The following CLEC2A variants were observed in gnomAD, a reference collection of about 807,000 sequenced individuals.
The protein encoded by CLEC2A is C-type lectin domain family 2 member A, also known as keratinocyte-associated C-type lectin.
CLEC2A carries 19 observed loss-of-function variants against 18.6 expected under a neutral mutation model. The observed-to-expected ratio is 1.02, with a 90% confidence interval of 0.71 to 1.50. CLEC2A has a LOEUF of 1.50. Among genes scored for constraint, CLEC2A ranks in the 40% most tolerant of loss-of-function variants. The pLI is 0.00. For synonymous variants in CLEC2A, 74 were observed against 64.0 expected (o/e 1.16, Z -0.75); for missense variants, 190 against 207.9 (o/e 0.91, Z 0.53).
the CLEC2A span, among the ~76,000 whole-genome samples, chr12:9,879,175 CAAACAAAAA>C: frequency 6.6e-6 from 1 of 151,810 alleles, no homozygotes; most frequent in Admixed American, 6.6e-5. Context: ...AAAAGAAAAA[CAAACAAAAA>C]AGGATATTTC....
At chr12:9,921,837 T>C (rs1023043371) in intron 3 of CLEC2A, among the ~76,000 whole-genome samples, 2 of 152,118 alleles carry the variant, frequency 1.3e-5, no homozygotes, top group African/African-American at 4.8e-5. Context: ...AAAGTCTTCA[T>C]CCTCGTTGTT....
rs751715195 is a variant in CLEC2A, at chr12:9,903,504, A to C, written c.411-4528T>G. On this transcript the variant is annotated intron_variant, in intron 4 of 4. Transcript: ENST00000339766. ...AGCTAGTTCATTGGATAAAACAGGA[A>C]GACATTGTGATGCTTTTGTTATGGT... Among the ~76,000 whole-genome samples, 153 of 152,356 alleles carry C rather than the reference A, an allele frequency of 1.0e-3. 1 individual carries two copies. The highest frequency in any genetic ancestry group is 6.8e-3 in the Middle Eastern group (2 of 294).
At chr12:9,930,479 A>G (rs1044198268) in intron 1 of CLEC2A, among the ~76,000 whole-genome samples, 1 of 151,924 alleles carries the variant, frequency 6.6e-6, no homozygotes, top group African/African-American at 2.4e-5. Context: ...ACTTTTAGAC[A>G]TCTAGTTCTC....
At chr12:9,917,457 G>A (rs941775651) in intron 3 of CLEC2A, among the ~76,000 whole-genome samples, 1 of 152,166 alleles carries the variant, frequency 6.6e-6, no homozygotes, top group African/African-American at 2.4e-5. Flanking sequence ...CATAGGCACT[G>A]AACAAACTTC....
downstream of CLEC2A, among the ~76,000 whole-genome samples, chr12:9,909,735 A>T (rs981988762): frequency 6.6e-6 from 1 of 152,076 alleles, no homozygotes; most frequent in African/African-American, 2.4e-5. Context: ...CTTTTAGAGA[A>T]GAGTATTTAG....
chr12:9,897,404 C>A (rs140400849), downstream of CLEC2A, among the ~76,000 whole-genome samples: 1 of 152,154 alleles, frequency 6.6e-6, no homozygotes, highest in East Asian at 1.9e-4. Flanking sequence ...TAAATTTAAT[C>A]TAATTCTGCC....
chr12:9,893,212 CT>C, the CLEC2A span: 2,590 of 1,504,060 alleles, frequency 1.7e-3, 44 homozygotes, highest in African/African-American at 0.032. Context: ...GGAAAAATGG[CT>C]TAGGTGCAAG....
Position 9,913,685 on chromosome 12 carries a change from A to G in CLEC2A, c.411-5T>C. 6.6e-7 allele frequency: 1 copy of G among 1,525,966 alleles called. No individual in the cohort carries two copies. Among genetic ancestry groups the G allele is most frequent in the Non-Finnish European group, 8.8e-7 (1 of 1,130,168 alleles). The allele number at this position is 1,525,966 out of a possible 1,614,324, so 94.5% of individuals were successfully genotyped here. A position where few individuals can be genotyped will look rare whatever the true frequency, so the allele number is the denominator to read the frequency against. On this transcript the variant is annotated splice_polypyrimidine_tract_variant and splice_region_variant and intron_variant, in intron 4 of 4. Coordinates refer to ENST00000455827, the MANE Select transcript of CLEC2A (RefSeq NM_001130711.2). ...CCGTTCCCTATAATTTCAAACCTGA[A>G]AAAGAACACTCTAAATCAGTCTGGG...
At position 9,916,768 on chromosome 12, in the gene CLEC2A, G is replaced by GGAC; in HGVS notation, c.341_342insGTC (p.His114delinsGlnSer). ...CTTGTTTCCTGCTTAGTCCAATCCA[G>GGAC]TGCATATCAGTTCCTGCGTACCTCT... On this transcript the variant is annotated protein_altering_variant, in exon 4 of 5. Transcript: ENST00000455827. 1 of 1,551,194 alleles carries GGAC rather than the reference G, an allele frequency of 6.4e-7. No individual in the cohort carries two copies. The highest frequency in any genetic ancestry group is 8.7e-7 in the Non-Finnish European group (1 of 1,146,504).
chr12:9,929,784 T>C lies in CLEC2A; in HGVS notation c.55+2491A>G, dbSNP rs559733027. On this transcript the variant is annotated intron_variant, in intron 1 of 4. Transcript: ENST00000455827. ...GGGGTAAATTTCTCATTTTGCTGTT[T>C]TTTGAAGCAAGATGTCCAATACAAA... is the stretch of plus-strand genomic sequence containing the variant. 2.8e-4 allele frequency among the ~76,000 whole-genome samples: 42 copies of C among 152,288 alleles called. 1 individual carries two copies. In the South Asian group the frequency reaches 7.7e-3, roughly 28 times the overall value.
intron 1 of CLEC2A, among the ~76,000 whole-genome samples, chr12:9,926,732 A>T (rs545278055): frequency 6.6e-6 from 1 of 152,344 alleles, no homozygotes; most frequent in African/African-American, 2.4e-5. Context: ...AGGATTAAAG[A>T]CAGGAAAGAA....
chr12:9,924,663 A>G (rs1188039632), intron 2 of CLEC2A, among the ~76,000 whole-genome samples: 1 of 152,204 alleles, frequency 6.6e-6, no homozygotes, highest in Admixed American at 6.5e-5. Context: ...CATTTTTACA[A>G]ATATTGCAAT....
intron 4 of CLEC2A, among the ~76,000 whole-genome samples, chr12:9,914,041 T>C (rs995831644): frequency 6.6e-6 from 1 of 152,174 alleles, no homozygotes; most frequent in Non-Finnish European, 1.5e-5. Context: ...AAAGAGAGAG[T>C]GTTTGCCAAA....
intron 2 of CLEC2A, 120 bp from the exon 3 acceptor site, chr12:9,922,352 C>T (rs1863188309): frequency 4.4e-6 from 3 of 679,988 alleles, no homozygotes; most frequent in East Asian, 3.0e-5. Context: ...TTAGCTTCCC[C>T]CCTCCCCAGA....
intron 4 of CLEC2A, among the ~76,000 whole-genome samples, chr12:9,900,634 T>C (rs1313618421): frequency 6.6e-6 from 1 of 152,102 alleles, no homozygotes; most frequent in Non-Finnish European, 1.5e-5. Flanking sequence ...ACCCTGTGAG[T>C]TGGGTGATCC....
At chr12:9,879,903 T>C in the CLEC2A span, among the ~76,000 whole-genome samples, 2 of 152,232 alleles carry the variant, frequency 1.3e-5, no homozygotes, top group African/African-American at 4.8e-5. Flanking sequence ...GTAAACTGCA[T>C]GAGCAGATGG....
downstream of CLEC2A, among the ~76,000 whole-genome samples, chr12:9,895,437 T>A (rs1187774974): frequency 1.3e-5 from 2 of 152,164 alleles, no homozygotes; most frequent in Admixed American, 1.3e-4. Flanking sequence ...CTTGCAGGCG[T>A]AGATAATGAG....
At chr12:9,898,843 T>G in exon 5 of CLEC2A, 1 of 697,292 alleles carries the variant, frequency 1.4e-6, no homozygotes, top group Non-Finnish European at 2.6e-6. Flanking sequence ...CAGATTTAAC[T>G]GCTTCCTGCT....
At chr12:9,898,783 C>A (rs1266559896) in exon 5 of CLEC2A, 1 of 579,624 alleles carries the variant, frequency 1.7e-6, no homozygotes, top group Non-Finnish European at 3.2e-6. Flanking sequence ...AATTTACTCC[C>A]TCTAAAGAAG....
Sources: gnomAD v4.1 joint callset for allele counts (sites outside exome capture counted in the v4.1 genomes callset) on GRCh38, gnomAD v4.1.1 for gene constraint, MANE v1.5 for transcripts, NCBI Gene and HGNC (gene_info 2026-07-23, HGNC 2026-07-21) for gene names.